The following VWC2 variants were observed in gnomAD, a reference collection of about 807,000 sequenced individuals.
VWC2 encodes von Willebrand factor C domain containing 2.
VWC2 carries 14 observed loss-of-function variants against 29.8 expected under a neutral mutation model. The observed-to-expected ratio is 0.47, with a 90% CI of 0.31 to 0.74. VWC2 has a LOEUF of 0.74. Among genes scored for constraint, VWC2 ranks in the 30% least tolerant of loss-of-function variants. VWC2 has a pLI of 0.05. For missense variants in VWC2, 457 were observed against 459.8 expected, an observed-to-expected ratio of 0.99 and a Z score of 0.05; for synonymous variants, 213 against 199.0, an observed-to-expected ratio of 1.07 and a Z score of -0.59.
At chr7:49,824,952 C>G (rs1303812118) in intron 3 of VWC2, among the ~76,000 whole-genome samples, 1 of 151,974 alleles carries the variant, frequency 6.6e-6, no homozygotes, top group East Asian at 1.9e-4. Context: ...TTCTTTTTCT[C>G]TTTCCTACTC....
Position 49,775,952 on chromosome 7 carries a change from C to T in VWC2, c.517C>T (p.Pro173Ser), listed in dbSNP as rs111639401. 1.9e-6 allele frequency: 3 copies of T among 1,552,342 alleles called. No homozygotes were observed. Among genetic ancestry groups the T allele is most frequent in the Non-Finnish European group, 2.6e-6 (3 of 1,150,980 alleles). ...GATCGGGGAGAAGTTCGCGCCGGGC[C>T]CCTCGGCCTGCCCGTGCCTGTGCAC... ...YAIGEKFAPGPSACPCLCTEE... is the reference protein window; with the variant it reads ...YAIGEKFAPGSSACPCLCTEE... The change falls in exon 2 of 4, where the codon CCC (proline) becomes TCC (serine). Residue 173 changes from proline to serine, a missense_variant. Pro to Ser is a moderately conservative substitution (Grantham distance 74, BLOSUM62 -1). This residue lies in a region of VWC2 where 185 missense variants were observed against 257.1 expected (regional missense o/e 0.72). Coordinates refer to ENST00000340652, the MANE Select transcript of VWC2 (RefSeq NM_198570.5).
intron 3 of VWC2, among the ~76,000 whole-genome samples, chr7:49,864,643 G>A (rs1440351988): frequency 6.6e-6 from 1 of 152,132 alleles, no homozygotes; most frequent in African/African-American, 2.4e-5. Context: ...CATCCCGAAT[G>A]GCTTCTGAGT....
Position 49,919,713 on chromosome 7 carries a change from T to C in VWC2, c.*7528T>C, listed in dbSNP as rs920302573. On this transcript the variant is annotated 3_prime_UTR_variant, in exon 4 of 4. Transcript: ENST00000340652. ...TCCCCACTCCAAACAATAACAGCAA[T>C]GGTGAAGGTTGTGGGTGGACAGAGG... 3 of 152,280 alleles carry C rather than the reference T, an allele frequency of 2.0e-5. No individual in the cohort carries two copies. Among genetic ancestry groups the C allele is most frequent in the African/African-American group, 7.2e-5 (3 of 41,442 alleles). 9.4% of individuals were successfully genotyped at this position (152,280 alleles called of 1,614,324 possible).
At chr7:49,885,784 G>A (rs1791877615) in intron 3 of VWC2, among the ~76,000 whole-genome samples, 1 of 152,208 alleles carries the variant, frequency 6.6e-6, no homozygotes, top group Non-Finnish European at 1.5e-5. Flanking sequence ...AGGTGCTTGC[G>A]GCCTGGACCA....
chr7:49,893,090 A>G (rs949371532), intron 3 of VWC2, among the ~76,000 whole-genome samples: 1 of 152,188 alleles, frequency 6.6e-6, no homozygotes, highest in East Asian at 1.9e-4. Context: ...TGAGGAGGAC[A>G]TATTATTTCT....
chr7:49,865,720 G>A (rs1248111089), intron 3 of VWC2, among the ~76,000 whole-genome samples: 1 of 152,194 alleles, frequency 6.6e-6, no homozygotes, highest in Non-Finnish European at 1.5e-5. Flanking sequence ...CTTCAGAAGG[G>A]CAGACCCAAA....
chr7:49,861,375 A>G (rs950533059), intron 3 of VWC2, among the ~76,000 whole-genome samples: 15 of 152,074 alleles, frequency 9.9e-5, no homozygotes, highest in African/African-American at 3.1e-4. Flanking sequence ...AGACTTTTTT[A>G]TATTTTGAAT....
intron 3 of VWC2, among the ~76,000 whole-genome samples, chr7:49,812,349 CAAAGATAGGCAAAGTG>C (rs1789033621): frequency 6.6e-6 from 1 of 152,128 alleles, no homozygotes; most frequent in African/African-American, 2.4e-5. Context: ...ACCCTCTTAA[CAAAGATAGGCAAAGTG>C]AAATTTTTGT....
chr7:49,811,579 T>G (rs1198050279), intron 3 of VWC2, among the ~76,000 whole-genome samples: 1 of 152,116 alleles, frequency 6.6e-6, no homozygotes, highest in Non-Finnish European at 1.5e-5. Context: ...AATAACCCAG[T>G]CTTAGGATAT....
rs1452800334 is a variant in VWC2, at chr7:49,911,918, T to TACATGCACAC, written c.827-113_827-112insTGCACACACA. 196 of 223,042 alleles carry TACATGCACAC rather than the reference T, an allele frequency of 8.8e-4. No individual in the cohort carries two copies. In the African/African-American group the frequency reaches 0.012, roughly 13 times the overall value. 13.8% of individuals were successfully genotyped at this position (223,042 alleles called of 1,614,324 possible). ...TCTCAAAAACAAACAAACAAACAAA[T>TACATGCACAC]ACACGCACACACACACACACACACA... On this transcript the variant is annotated intron_variant, in intron 3 of 3. Coordinates refer to ENST00000340652, the MANE Select transcript of VWC2 (RefSeq NM_198570.5).
In VWC2 at chr7:49,801,330, C is replaced by T. The variant is rs779185324; in HGVS notation, c.697-1381C>T. On this transcript the variant is annotated intron_variant, in intron 2 of 3. Transcript: ENST00000340652. ...GGCAAAGCAGGAACTCAGCTTGATA[C>T]GACCCATTTCCATGTCCCCCATTTC... Among the ~76,000 whole-genome samples the T allele has an allele frequency of 9.2e-5, 14 of 152,206 alleles. 1 individual carries two copies. Among genetic ancestry groups the T allele is most frequent in the South Asian group, 2.1e-4 (1 of 4,828 alleles).
At chr7:49,878,243 C>A (rs753822618) in intron 3 of VWC2, among the ~76,000 whole-genome samples, 3 of 152,282 alleles carry the variant, frequency 2.0e-5, no homozygotes, top group Non-Finnish European at 4.4e-5. Context: ...ACACAGCACA[C>A]TGCAATATGT....
chr7:49,806,436 G>A (rs1326577654), intron 3 of VWC2, among the ~76,000 whole-genome samples: 1 of 152,160 alleles, frequency 6.6e-6, no homozygotes, highest in East Asian at 1.9e-4. Flanking sequence ...AAAGCCACTG[G>A]ATATAAAGGT....
In VWC2 at chr7:49,900,689, C is replaced by T. The variant is rs903397300; in HGVS notation, c.827-11345C>T. Reference sequence around the variant, plus strand: ...AACATCCTTCCAAAACAGGAAGCACCGTGGACCCAGATAGGATCACTGGTG... The same window carrying T: ...AACATCCTTCCAAAACAGGAAGCACTGTGGACCCAGATAGGATCACTGGTG... On this transcript the variant is annotated intron_variant, in intron 3 of 3. Transcript: ENST00000340652. Among the ~76,000 whole-genome samples, 5 of 151,786 alleles carry T rather than the reference C, an allele frequency of 3.3e-5. No homozygotes were observed. In the East Asian group the frequency reaches 7.7e-4, roughly 23 times the overall value.
At chr7:49,888,621 G>A (rs1191397854) in intron 3 of VWC2, among the ~76,000 whole-genome samples, 2 of 152,092 alleles carry the variant, frequency 1.3e-5, no homozygotes, top group Non-Finnish European at 2.9e-5. Flanking sequence ...TTTATGAAGT[G>A]CACCTTTTGC....
chr7:49,864,722 G>A (rs1204334451), intron 3 of VWC2, among the ~76,000 whole-genome samples: 1 of 152,222 alleles, frequency 6.6e-6, no homozygotes, highest in African/African-American at 2.4e-5. Flanking sequence ...AAACAGACAT[G>A]CACAATAATT....
intron 1 of VWC2, 89 bp from the exon 2 acceptor site, chr7:49,775,244 A>C: frequency 3.4e-6 from 1 of 290,208 alleles, no homozygotes; most frequent in Non-Finnish European, 6.2e-6. Flanking sequence ...TCGTTAATCT[A>C]GAGCTATGCC....
intron 3 of VWC2, among the ~76,000 whole-genome samples, chr7:49,857,383 A>T (rs1161016173): frequency 6.6e-6 from 1 of 152,214 alleles, no homozygotes; most frequent in African/African-American, 2.4e-5. Context: ...TTTAAGCCTG[A>T]ATATTCCAAT....
At chr7:49,852,600 AGTGATGTTT>A (rs1562732044) in intron 3 of VWC2, among the ~76,000 whole-genome samples, 1 of 151,798 alleles carries the variant, frequency 6.6e-6, no homozygotes, top group African/African-American at 2.4e-5. Flanking sequence ...CTTTTTGAGA[AGTGATGTTT>A]GTGAGGAGTG....
Sources: gnomAD v4.1 joint callset for allele counts (sites outside exome capture counted in the v4.1 genomes callset) on GRCh38, gnomAD v4.1.1 for gene constraint, gnomAD v4.1.1 regional missense constraint, MANE v1.5 for transcripts, NCBI Gene and HGNC (gene_info 2026-07-23, HGNC 2026-07-21) for gene names.